CADM2: variants seen among roughly 807,000 people sequenced by gnomAD.
The protein encoded by CADM2 is cell adhesion molecule 2, also known as immunoglobulin superfamily member 4D.
Under a neutral mutation model 49.8 loss-of-function variants are expected in CADM2, and 12 were observed. The observed-to-expected ratio is 0.24, with a 90% CI of 0.15 to 0.39. The LOEUF is 0.39. CADM2 is among the 10% of genes least tolerant of loss of function. The pLI is 1.00. For synonymous variants in CADM2, 214 were observed against 175.4 expected, an observed-to-expected ratio of 1.22 and a Z score of -1.74; for missense variants, 378 against 492.3, an observed-to-expected ratio of 0.77 and a Z score of 2.20.
intron 1 of CADM2, among the ~76,000 whole-genome samples, chr3:85,543,438 G>T (rs970652551): frequency 1.3e-5 from 2 of 150,896 alleles, no homozygotes; most frequent in African/African-American, 4.9e-5. Context: ...GTGTGTGTGT[G>T]TGTGTGTGTG....
intron 1 of CADM2, among the ~76,000 whole-genome samples, chr3:85,070,384 A>AT (rs1185320577): frequency 6.6e-6 from 1 of 152,212 alleles, no homozygotes; most frequent in East Asian, 1.9e-4. Context: ...ATATCAAATT[A>AT]TTCTTATAGA....
At chr3:85,294,374 T>G (rs1481401980) in intron 1 of CADM2, among the ~76,000 whole-genome samples, 4 of 151,856 alleles carry the variant, frequency 2.6e-5, no homozygotes, top group South Asian at 2.1e-4. Context: ...CCAAGGTAAT[T>G]TACAGATTCA....
chr3:85,948,900 G>C (rs1195303223), intron 7 of CADM2, among the ~76,000 whole-genome samples: 1 of 151,342 alleles, frequency 6.6e-6, no homozygotes, highest in African/African-American at 2.4e-5. Context: ...AAAGAGAAAG[G>C]AAAGTAAAAG....
chr3:85,046,767 G>A (rs2107386959), intron 1 of CADM2, among the ~76,000 whole-genome samples: 1 of 151,764 alleles, frequency 6.6e-6, no homozygotes, highest in South Asian at 2.1e-4. Context: ...TGCTTTCCAA[G>A]GATTACCTCA....
chr3:85,850,726 T>A (rs1411631149), intron 3 of CADM2, among the ~76,000 whole-genome samples: 1 of 152,188 alleles, frequency 6.6e-6, no homozygotes, highest in Non-Finnish European at 1.5e-5. Flanking sequence ...GTTATTCCTG[T>A]TTGCATAAAG....
chr3:85,092,241 T>C (rs1206713529), intron 1 of CADM2, among the ~76,000 whole-genome samples: 1 of 152,176 alleles, frequency 6.6e-6, no homozygotes, highest in Non-Finnish European at 1.5e-5. Context: ...TGTAAGTTCT[T>C]ATATGAAACT....
At chr3:85,749,633 GT>G (rs1355353850) in intron 2 of CADM2, among the ~76,000 whole-genome samples, 1 of 152,094 alleles carries the variant, frequency 6.6e-6, no homozygotes, top group African/African-American at 2.4e-5. Context: ...CTATAGACAA[GT>G]TTTGTGTATT....
chr3:85,212,255 T>C (rs575388037), intron 1 of CADM2, among the ~76,000 whole-genome samples: 1 of 152,242 alleles, frequency 6.6e-6, no homozygotes, highest in East Asian at 1.9e-4. Flanking sequence ...TTGAAGAGTT[T>C]AGTCCATTCA....
intron 1 of CADM2, among the ~76,000 whole-genome samples, chr3:85,556,998 C>G (rs1400691772): frequency 6.6e-6 from 1 of 151,978 alleles, no homozygotes; most frequent in East Asian, 1.9e-4. Flanking sequence ...GATTTTAATA[C>G]CATTTTTATG....
At chr3:85,819,102 G>A (rs1048823123) in intron 3 of CADM2, among the ~76,000 whole-genome samples, 2 of 152,162 alleles carry the variant, frequency 1.3e-5, no homozygotes, top group African/African-American at 2.4e-5. Flanking sequence ...AACCACTGGT[G>A]TAAGTCCAAG....
intron 1 of CADM2, among the ~76,000 whole-genome samples, chr3:85,711,732 C>T (rs1009661516): frequency 6.6e-6 from 1 of 152,080 alleles, no homozygotes; most frequent in African/African-American, 2.4e-5. Context: ...AAGCAGAATG[C>T]TTCAATTTAT....
chr3:85,634,865 T>C lies in CADM2; in HGVS notation c.62-91657T>C, dbSNP rs545657953. 3.3e-3 allele frequency among the ~76,000 whole-genome samples: 486 copies of C among 145,088 alleles called. 3 individuals are homozygous for C. Among genetic ancestry groups the C allele is most frequent in the African/African-American group, 0.011 (463 of 40,982 alleles). ...TCCATAGCTACTTTGTATTTATACATTCAATTTTCAAACAGAAAATTAATT... is the reference window on the plus strand; with the variant it reads ...TCCATAGCTACTTTGTATTTATACACTCAATTTTCAAACAGAAAATTAATT... On this transcript the variant is annotated intron_variant, in intron 1 of 9. Transcript: ENST00000383699.
intron 8 of CADM2, among the ~76,000 whole-genome samples, chr3:86,010,072 T>C (rs1731311413): frequency 6.6e-6 from 1 of 151,964 alleles, no homozygotes; most frequent in Non-Finnish European, 1.5e-5. Context: ...AATCATTTAA[T>C]TTAAAGTAAA....
rs564148877 is a variant in CADM2 at position 85,590,755 on chromosome 3, T to G, written c.62-135767T>G. ...TGAATAAACTCTATGAAATATAAAT[T>G]AGTCTATTGACAAATACCTAGAGGA... On this transcript the variant is annotated intron_variant, in intron 1 of 9. Transcript: ENST00000383699. Among the ~76,000 whole-genome samples the G allele has an allele frequency of 6.8e-4, 103 of 152,014 alleles. 2 individuals are homozygous for G. In the South Asian group the frequency reaches 7.0e-3, roughly 10 times the overall value.
At chr3:85,792,729 A>G (rs2071409268) in intron 2 of CADM2, among the ~76,000 whole-genome samples, 1 of 152,262 alleles carries the variant, frequency 6.6e-6, no homozygotes, top group South Asian at 2.1e-4. Flanking sequence ...ATCAAGAGAT[A>G]GCAAGGCTTG....
rs146135520 is a variant in CADM2, at chr3:86,005,424, G to A, written c.970+43777G>A. 8.4e-4 allele frequency among the ~76,000 whole-genome samples: 128 copies of A among 151,850 alleles called. 1 individual carries two copies. In the East Asian group the frequency reaches 0.015, roughly 18 times the overall value. ...AAGTTAGCAGAGAGTGGTGACAGGC[G>A]CCTGTAATCTCAGCTACTCAGGAGG... On this transcript the variant is annotated intron_variant, in intron 8 of 9. Transcript: ENST00000383699.
chr3:85,612,534 C>A (rs1402060504), intron 1 of CADM2, among the ~76,000 whole-genome samples: 1 of 151,748 alleles, frequency 6.6e-6, no homozygotes, highest in Admixed American at 6.6e-5. Flanking sequence ...ATCATTCATA[C>A]ATACCTTAGC....
intron 1 of CADM2, among the ~76,000 whole-genome samples, chr3:85,522,478 A>G (rs750445490): frequency 2.6e-5 from 4 of 152,176 alleles, no homozygotes; most frequent in Admixed American, 1.3e-4. Flanking sequence ...TTAAATAAAG[A>G]TCAGAAACTT....
intron 3 of CADM2, among the ~76,000 whole-genome samples, chr3:85,859,224 CTTTTT>C (rs397990427): frequency 1.1e-4 from 8 of 70,596 alleles, no homozygotes; most frequent in Middle Eastern, 0.012. Context: ...TTTTTTTTGT[CTTTTT>C]TTTTTTTTTT....
Sources: gnomAD v4.1 joint callset for allele counts (sites outside exome capture counted in the v4.1 genomes callset) on GRCh38, gnomAD v4.1.1 for gene constraint, MANE v1.5 for transcripts, NCBI Gene and HGNC (gene_info 2026-07-23, HGNC 2026-07-21) for gene names.